MARK2: variants seen among roughly 807,000 people sequenced by gnomAD.
MARK2 encodes microtubule affinity regulating kinase 2, also known as serine/threonine-protein kinase MARK2.
In MARK2, 16 loss-of-function variants were observed where a neutral mutation model predicts 89.8. The observed-to-expected ratio is 0.18, with a 90% confidence interval of 0.12 to 0.27. The LOEUF (loss-of-function observed/expected upper bound fraction) is 0.27. Ranked by LOEUF, MARK2 falls within the 10% of genes least tolerant of loss-of-function variation. The probability of loss-of-function intolerance (pLI) is 1.00; values close to 1 mark genes in which losing one functional copy is unlikely to be tolerated. For synonymous variants in MARK2, 382 were observed against 399.5 expected, an observed-to-expected ratio of 0.96 and a Z score of 0.52; for missense variants, 621 against 1,049.9, an observed-to-expected ratio of 0.59 and a Z score of 5.65.
At chr11:63,885,034 C>A (rs1160315629) in intron 1 of MARK2, among the ~76,000 whole-genome samples, 3 of 152,088 alleles carry the variant, frequency 2.0e-5, no homozygotes, top group Non-Finnish European at 1.5e-5. Flanking sequence ...GAAATCCTGT[C>A]TGTACAAAAA....
intron 1 of MARK2, among the ~76,000 whole-genome samples, chr11:63,886,189 C>T (rs896656653): frequency 1.3e-5 from 2 of 151,912 alleles, no homozygotes; most frequent in African/African-American, 4.8e-5. Flanking sequence ...TGCAGTGGCA[C>T]GATCATAGCT....
intron 1 of MARK2, among the ~76,000 whole-genome samples, chr11:63,871,439 G>A (rs564627423): frequency 6.6e-6 from 1 of 151,638 alleles, no homozygotes; most frequent in Admixed American, 6.6e-5. Context: ...AGTATTCACC[G>A]TGTGCAGGTG....
At chr11:63,898,173 T>C (rs370555544) in intron 3 of MARK2, 59 bp from the exon 4 acceptor site, 65 of 1,465,636 alleles carry the variant, frequency 4.4e-5, no homozygotes, top group Non-Finnish European at 5.7e-5. Flanking sequence ...AGGGACTGTT[T>C]GGAGAGACCT....
chr11:63,865,804 G>C (rs535829509), intron 1 of MARK2, among the ~76,000 whole-genome samples: 42 of 152,296 alleles, frequency 2.8e-4, no homozygotes, highest in African/African-American at 9.9e-4. Flanking sequence ...AGATAGATTT[G>C]GGCCAGGTAA....
intron 1 of MARK2, among the ~76,000 whole-genome samples, chr11:63,887,590 A>G (rs984888420): frequency 6.6e-6 from 1 of 152,236 alleles, no homozygotes; most frequent in African/African-American, 2.4e-5. Context: ...CTAGAGGGTT[A>G]ATGGCTACCA....
chr11:63,881,057 A>G (rs1565118938), intron 1 of MARK2, among the ~76,000 whole-genome samples: 1 of 152,050 alleles, frequency 6.6e-6, no homozygotes. Flanking sequence ...TAATCCCAGC[A>G]CTTTGGGAGG....
At position 63,909,709 on chromosome 11, in the gene MARK2, C is replaced by T. The variant is rs1175840943; in HGVS notation, c.*472C>T. On this transcript the variant is annotated 3_prime_UTR_variant, in exon 19 of 19. Transcript: ENST00000402010. ...ACACTCTCAGGCAAGAGTGGTGGAGCTCCCGTCAGGCCCTCCGCCAGGCCC... is the reference window on the plus strand; with the variant it reads ...ACACTCTCAGGCAAGAGTGGTGGAGTTCCCGTCAGGCCCTCCGCCAGGCCC... The T allele has an allele frequency of 6.5e-6, 1 of 152,826 alleles. No homozygotes were observed. Among genetic ancestry groups the T allele is most frequent in the African/African-American group, 2.4e-5 (1 of 41,500 alleles). The allele number at this position is 152,826 out of a possible 1,614,324, so 9.5% of individuals were successfully genotyped here. A position where few individuals can be genotyped will look rare whatever the true frequency, so the allele number is the denominator to read the frequency against.
At chr11:63,870,606 T>C (rs954172616) in intron 1 of MARK2, among the ~76,000 whole-genome samples, 1 of 152,164 alleles carries the variant, frequency 6.6e-6, no homozygotes, top group Non-Finnish European at 1.5e-5. Context: ...GTCTTGGAAA[T>C]TCCCTTATGC....
chr11:63,856,768 GTTTTTTTTTTTTTTTTTTTTTTT>G (rs71039681), intron 1 of MARK2, among the ~76,000 whole-genome samples: 1 of 53,796 alleles, frequency 1.9e-5, no homozygotes, highest in Non-Finnish European at 3.2e-5. Flanking sequence ...AATTTTTCAT[GTTTTTTTTTTTTTTTTTTTTTTT>G]TTTTTTTTTT....
intron 1 of MARK2, among the ~76,000 whole-genome samples, chr11:63,886,826 T>G (rs1225079733): frequency 6.6e-6 from 1 of 152,244 alleles, no homozygotes; most frequent in Non-Finnish European, 1.5e-5. Flanking sequence ...CCTTACTGTC[T>G]CCCACAAATA....
intron 1 of MARK2, among the ~76,000 whole-genome samples, chr11:63,877,262 C>T (rs928096889): frequency 9.2e-5 from 14 of 151,678 alleles, no homozygotes; most frequent in Admixed American, 9.2e-4. Flanking sequence ...AGGTGCCCAC[C>T]ACCACGCCTG....
At chr11:63,856,715 AACCTGTCTTGTTTTT>A (rs2016868709) in intron 1 of MARK2, among the ~76,000 whole-genome samples, 1 of 148,556 alleles carries the variant, frequency 6.7e-6, no homozygotes, top group East Asian at 2.0e-4. Flanking sequence ...GAGCCACTGC[AACCTGTCTTGTTTTT>A]TATTTTTCTC....
At chr11:63,888,482 C>A in intron 1 of MARK2, 1 of 996,872 alleles carries the variant, frequency 1.0e-6, no homozygotes, top group Non-Finnish European at 1.2e-6. Context: ...CTGCCCACTT[C>A]CGGGGAGGGG....
At chr11:63,879,404 A>G (rs1660497128) in intron 1 of MARK2, among the ~76,000 whole-genome samples, 1 of 151,690 alleles carries the variant, frequency 6.6e-6, no homozygotes, top group African/African-American at 2.4e-5. Context: ...GAAAAGAAGC[A>G]CCCTCCTCTT....
chr11:63,884,967 C>T (rs577890604), intron 1 of MARK2, among the ~76,000 whole-genome samples: 1 of 152,234 alleles, frequency 6.6e-6, no homozygotes, highest in South Asian at 2.1e-4. Context: ...TTTAGGAGGC[C>T]GAGGTGAGAG....
intron 1 of MARK2, among the ~76,000 whole-genome samples, chr11:63,881,464 G>A (rs1939085432): frequency 1.3e-5 from 2 of 152,138 alleles, no homozygotes; most frequent in Non-Finnish European, 2.9e-5. Context: ...ATCTCTTGGG[G>A]TCGAGAGTGG....
chr11:63,848,726 A>G (rs1590964498), intron 1 of MARK2, among the ~76,000 whole-genome samples: 1 of 145,828 alleles, frequency 6.9e-6, no homozygotes, highest in Non-Finnish European at 1.5e-5. Context: ...AATTTTTTGT[A>G]CTTTTTTTTT....
At chr11:63,893,410 C>G (rs956788142) in intron 1 of MARK2, among the ~76,000 whole-genome samples, 8 of 151,986 alleles carry the variant, frequency 5.3e-5, no homozygotes, top group Non-Finnish European at 1.0e-4. Flanking sequence ...AACCAATATT[C>G]CCCGGTAAGG....
chr11:63,859,655 A>G (rs1435688922), intron 1 of MARK2, among the ~76,000 whole-genome samples: 1 of 143,712 alleles, frequency 7.0e-6, no homozygotes, highest in African/African-American at 2.6e-5. Context: ...TTTTCGAGAC[A>G]GAGTCCCACT....
Sources: gnomAD v4.1 joint callset for allele counts (sites outside exome capture counted in the v4.1 genomes callset) on GRCh38, gnomAD v4.1.1 for gene constraint, MANE v1.5 for transcripts, NCBI Gene and HGNC (gene_info 2026-07-23, HGNC 2026-07-21) for gene names.